Variants in THRAP3 observed in about 807,000 individuals in gnomAD.
The protein encoded by THRAP3 is thyroid hormone receptor associated protein 3, also known as thyroid hormone receptor-associated protein 3.
In THRAP3, 16 loss-of-function variants were observed where a neutral mutation model predicts 101.0. The observed-to-expected ratio is 0.16, with a 90% CI of 0.11 to 0.24. THRAP3 has a LOEUF of 0.24. Ranked by LOEUF, THRAP3 falls within the 10% of genes least tolerant of loss-of-function variation. The pLI is 1.00. For synonymous variants in THRAP3, 407 were observed against 422.6 expected (o/e 0.96, Z 0.45); for missense variants, 989 against 1,202.7 (o/e 0.82, Z 2.63).
chr1:36,268,326 T>TA (rs1313383416), intron 2 of THRAP3, among the ~76,000 whole-genome samples: 1 of 151,734 alleles, frequency 6.6e-6, no homozygotes, highest in African/African-American at 2.4e-5. Flanking sequence ...TCCAAAGAAA[T>TA]ACTAGACTAG....
At chr1:36,235,052 G>A (rs1354458616) in intron 1 of THRAP3, among the ~76,000 whole-genome samples, 1 of 152,138 alleles carries the variant, frequency 6.6e-6, no homozygotes, top group Non-Finnish European at 1.5e-5. Context: ...GACCTCAGGT[G>A]ATCCACCCGC....
intron 6 of THRAP3, among the ~76,000 whole-genome samples, chr1:36,292,245 A>AT (rs199551094): frequency 0.012 from 1,323 of 113,292 alleles, 23 homozygotes; most frequent in African/African-American, 0.038. Context: ...CTTTGGTAAC[A>AT]TAATGTGTTT....
chr1:36,224,175 G>C (rs1001871168), upstream of THRAP3, among the ~76,000 whole-genome samples: 2 of 152,182 alleles, frequency 1.3e-5, no homozygotes, highest in Admixed American at 6.5e-5. Context: ...CAACGCCCCC[G>C]CCCCTTCCGT....
the THRAP3 span, among the ~76,000 whole-genome samples, chr1:36,213,112 A>G: frequency 6.6e-6 from 1 of 152,158 alleles, no homozygotes; most frequent in Non-Finnish European, 1.5e-5. Flanking sequence ...TCTGATGGCA[A>G]TGGAGGGCCT....
At chr1:36,300,492 C>G (rs1646018860) in intron 9 of THRAP3, among the ~76,000 whole-genome samples, 1 of 152,190 alleles carries the variant, frequency 6.6e-6, no homozygotes, top group Non-Finnish European at 1.5e-5. Flanking sequence ...AACGCACTAA[C>G]AGATGATAAT....
intron 4 of THRAP3, 101 bp downstream of exon 4, chr1:36,287,371 G>A (rs1645810179): frequency 7.1e-7 from 1 of 1,416,088 alleles, no homozygotes; most frequent in East Asian, 2.5e-5. Flanking sequence ...ATGGTAAAAG[G>A]TAATCCCTAT....
At chr1:36,301,815 A>C (rs1646034098) in intron 11 of THRAP3, 119 bp downstream of exon 11, 4 of 1,270,578 alleles carry the variant, frequency 3.1e-6, no homozygotes, top group Non-Finnish European at 4.3e-6. Flanking sequence ...GGATTATTGC[A>C]CTGGGGCATG....
intron 6 of THRAP3, 60 bp from the exon 7 acceptor site, chr1:36,292,538 G>A: frequency 7.4e-7 from 1 of 1,345,634 alleles, no homozygotes; most frequent in Non-Finnish European, 1.0e-6. Context: ...CGAAAGTGGT[G>A]GGATTATAGG....
rs1645555392 is a variant in THRAP3 at position 36,269,079 on chromosome 1, T to TG, written c.-32+9597dup. Among the ~76,000 whole-genome samples the TG allele has an allele frequency of 3.9e-5, 6 of 152,318 alleles. No individual in the cohort carries two copies. The South Asian group carries it at 1.2e-3, about 32-fold the overall frequency. On this transcript the variant is annotated intron_variant, in intron 2 of 11. Transcript: ENST00000354618. ...ATACACAGAATTGGGTATTTTGTCT[T>TG]GGCAGTTACCTTGACAAGAGCTAAG...
intron 10 of THRAP3, 103 bp from the exon 11 acceptor site, chr1:36,301,450 C>T: frequency 7.2e-7 from 1 of 1,394,064 alleles, no homozygotes; most frequent in Non-Finnish European, 9.7e-7. Flanking sequence ...TGGAAGACAG[C>T]TGTCTATTCC....
chr1:36,254,090 C>T (rs142713715), intron 1 of THRAP3, among the ~76,000 whole-genome samples: 44 of 152,170 alleles, frequency 2.9e-4, no homozygotes, highest in African/African-American at 9.4e-4. Flanking sequence ...ATCAAACTGC[C>T]GTGTGGTAGG....
At chr1:36,214,067 A>G in the THRAP3 span, among the ~76,000 whole-genome samples, 41 of 150,244 alleles carry the variant, frequency 2.7e-4, no homozygotes, top group Non-Finnish European at 5.2e-4. Context: ...AGAAAGAAAG[A>G]CAACTCCTAA....
chr1:36,214,052 AAGAAAGAAAG>A, the THRAP3 span, among the ~76,000 whole-genome samples: 1 of 121,106 alleles, frequency 8.3e-6, no homozygotes, highest in Non-Finnish European at 1.8e-5. Flanking sequence ...GAAAGAAAGA[AAGAAAGAAAG>A]AAAGACAACT....
At chr1:36,249,059 T>A (rs1645265958) in intron 1 of THRAP3, among the ~76,000 whole-genome samples, 1 of 151,870 alleles carries the variant, frequency 6.6e-6, no homozygotes, top group Non-Finnish European at 1.5e-5. Flanking sequence ...GGCTAGTTTT[T>A]GTATTTTTAG....
intron 5 of THRAP3, 59 bp downstream of exon 5, chr1:36,289,823 C>T: frequency 6.6e-7 from 1 of 1,524,568 alleles, no homozygotes; most frequent in Non-Finnish European, 8.8e-7. Context: ...TGTCGCCTAG[C>T]CTTTCTCCCT....
chr1:36,208,984 T>A, the THRAP3 span, among the ~76,000 whole-genome samples: 3 of 139,412 alleles, frequency 2.2e-5, no homozygotes. Flanking sequence ...TTTTTTTTTT[T>A]TTTTTTTTTT....
the THRAP3 span, among the ~76,000 whole-genome samples, chr1:36,213,016 C>T: frequency 1.2e-4 from 18 of 152,162 alleles, 1 homozygote; most frequent in African/African-American, 4.1e-4. Flanking sequence ...AAGGCAAGAA[C>T]ACATGACTGG....
chr1:36,244,557 C>A (rs905757436), intron 1 of THRAP3, among the ~76,000 whole-genome samples: 1 of 152,098 alleles, frequency 6.6e-6, no homozygotes, highest in East Asian at 1.9e-4. Flanking sequence ...AACCTTGATT[C>A]CTTTCCTCTT....
upstream of THRAP3, among the ~76,000 whole-genome samples, chr1:36,222,944 C>T (rs1260242657): frequency 6.6e-6 from 1 of 151,824 alleles, no homozygotes; most frequent in Non-Finnish European, 1.5e-5. Context: ...GCTTGGCCAA[C>T]GTGGCGAAAC....
Sources: gnomAD v4.1 joint callset for allele counts (sites outside exome capture counted in the v4.1 genomes callset) on GRCh38, gnomAD v4.1.1 for gene constraint, MANE v1.5 for transcripts, NCBI Gene and HGNC (gene_info 2026-07-23, HGNC 2026-07-21) for gene names.